The following RIT2 variants were observed in gnomAD, a reference collection of about 807,000 sequenced individuals.
The protein encoded by RIT2 is Ras like without CAAX 2.
A neutral mutation model predicts 23.7 loss-of-function variants in RIT2; 24 were observed. The ratio of observed to expected loss-of-function variants is 1.01; its 90% CI spans 0.73 to 1.43. The LOEUF (loss-of-function observed/expected upper bound fraction) is 1.43, where lower values mean the gene tolerates loss of function less well. Ranked by LOEUF, RIT2 falls within the 40% of genes most tolerant of loss-of-function variation. RIT2 has a pLI of 0.00. For synonymous variants in RIT2, 107 were observed against 91.1 expected (o/e 1.17, Z -0.99); for missense variants, 236 against 266.9 (o/e 0.88, Z 0.81).
intron 4 of RIT2, among the ~76,000 whole-genome samples, chr18:42,863,615 C>G (rs1907388271): frequency 6.6e-6 from 1 of 152,238 alleles, no homozygotes; most frequent in Admixed American, 6.5e-5. Flanking sequence ...AATTTGGAAG[C>G]CACACATGCT....
chr18:43,077,213 G>C (rs373678905), intron 1 of RIT2, among the ~76,000 whole-genome samples: 222 of 152,032 alleles, frequency 1.5e-3, no homozygotes, highest in Middle Eastern at 3.4e-3. Flanking sequence ...GGTATATAGT[G>C]CCAGGAAATA....
intron 4 of RIT2, among the ~76,000 whole-genome samples, chr18:42,823,448 G>T (rs1390894940): frequency 6.6e-6 from 1 of 152,126 alleles, no homozygotes; most frequent in Non-Finnish European, 1.5e-5. Flanking sequence ...ACTTGGTGCA[G>T]AGAACTTTGA....
chr18:42,763,220 T>C (rs1218198011), intron 4 of RIT2, among the ~76,000 whole-genome samples: 1 of 152,214 alleles, frequency 6.6e-6, no homozygotes, highest in Non-Finnish European at 1.5e-5. Context: ...CCCAGCACTT[T>C]GGGAGGCCAA....
At chr18:42,943,645 A>G (rs1909657234) in intron 3 of RIT2, among the ~76,000 whole-genome samples, 1 of 152,110 alleles carries the variant, frequency 6.6e-6, no homozygotes, top group Non-Finnish European at 1.5e-5. Flanking sequence ...GTCTTTAGTT[A>G]GAAGTTTGAT....
chr18:43,051,449 G>C (rs1444479874), intron 1 of RIT2, among the ~76,000 whole-genome samples: 1 of 151,364 alleles, frequency 6.6e-6, no homozygotes, highest in Non-Finnish European at 1.5e-5. Context: ...TTTGCTAAGG[G>C]AACATAGGAA....
chr18:43,086,150 A>G (rs1427991363), intron 1 of RIT2, among the ~76,000 whole-genome samples: 1 of 152,146 alleles, frequency 6.6e-6, no homozygotes, highest in African/African-American at 2.4e-5. Flanking sequence ...TTGGCTCAAC[A>G]TTCCTAACCC....
intron 4 of RIT2, among the ~76,000 whole-genome samples, chr18:42,913,788 A>G (rs1908834965): frequency 6.6e-6 from 1 of 151,998 alleles, no homozygotes; most frequent in South Asian, 2.1e-4. Context: ...CTATTCTACA[A>G]TATGGTGGCT....
chr18:43,075,386 G>A (rs1912990348), intron 1 of RIT2, among the ~76,000 whole-genome samples: 1 of 152,040 alleles, frequency 6.6e-6, no homozygotes, highest in South Asian at 2.1e-4. Flanking sequence ...AAGTTTGTAG[G>A]CATTTTCTTT....
In RIT2 at chr18:42,896,089, C is replaced by T. The variant is rs535619624; in HGVS notation, c.426+27483G>A. On this transcript the variant is annotated intron_variant, in intron 4 of 4. Transcript: ENST00000326695. ...GACCAGCCTGGTTAACATGGTGAAA[C>T]CCCAGCTCTACTAAAAATACAAAAA... Among the ~76,000 whole-genome samples the T allele has an allele frequency of 4.3e-4, 66 of 152,272 alleles. No individual in the cohort carries two copies. The South Asian group carries it at 6.6e-3, about 15-fold the overall frequency.
At chr18:43,090,685 C>CA (rs1254802877) in intron 1 of RIT2, among the ~76,000 whole-genome samples, 2 of 151,744 alleles carry the variant, frequency 1.3e-5, no homozygotes, top group Non-Finnish European at 1.5e-5. Context: ...ACTATGCAGC[C>CA]AAAAAAAGAA....
At chr18:42,971,562 C>G (rs1240782828) in intron 3 of RIT2, among the ~76,000 whole-genome samples, 1 of 152,042 alleles carries the variant, frequency 6.6e-6, no homozygotes, top group Non-Finnish European at 1.5e-5. Flanking sequence ...TATTGCTCAG[C>G]TATTGCCACA....
At chr18:43,064,516 T>C (rs1057079103) in intron 1 of RIT2, among the ~76,000 whole-genome samples, 11 of 152,132 alleles carry the variant, frequency 7.2e-5, no homozygotes, top group Admixed American at 6.5e-5. Context: ...TCAGACAGAA[T>C]AAAGTACTTA....
chr18:42,907,711 T>C (rs1364523952), intron 4 of RIT2, among the ~76,000 whole-genome samples: 2 of 151,942 alleles, frequency 1.3e-5, no homozygotes, highest in African/African-American at 4.8e-5. Flanking sequence ...CCAGGTATGG[T>C]GGCTCATGCC....
intron 1 of RIT2, among the ~76,000 whole-genome samples, chr18:43,074,488 C>T (rs1912967113): frequency 6.6e-6 from 1 of 152,146 alleles, no homozygotes; most frequent in African/African-American, 2.4e-5. Context: ...CCCAATGAGT[C>T]CTGAAATTTT....
At chr18:42,815,479 C>T (rs906284614) in intron 4 of RIT2, among the ~76,000 whole-genome samples, 2 of 152,096 alleles carry the variant, frequency 1.3e-5, no homozygotes, top group Admixed American at 6.5e-5. Context: ...TTATGTTAAA[C>T]GACCAAACTT....
At position 42,919,161 on chromosome 18, in the gene RIT2, T is replaced by C. The variant is rs867824498; in HGVS notation, c.426+4411A>G. Among the ~76,000 whole-genome samples, 3 of 152,146 alleles carry C rather than the reference T, an allele frequency of 2.0e-5. 1 individual carries two copies. Among genetic ancestry groups the C allele is most frequent in the African/African-American group, 7.2e-5 (3 of 41,442 alleles). On this transcript the variant is annotated intron_variant, in intron 4 of 4. Coordinates refer to ENST00000326695, the MANE Select transcript of RIT2 (RefSeq NM_002930.4). ...AAGATAAATAGATGCTTGATAGAAC[T>C]CTAAATAGATATTATGCTTTTTTAA...
At chr18:42,818,277 AG>A (rs770844792) in intron 4 of RIT2, among the ~76,000 whole-genome samples, 8 of 152,126 alleles carry the variant, frequency 5.3e-5, no homozygotes, top group Non-Finnish European at 1.2e-4. Context: ...AAATTAGGCA[AG>A]ATGGATCTGT....
At chr18:42,759,248 C>T (rs1025464120) in intron 4 of RIT2, among the ~76,000 whole-genome samples, 5 of 152,100 alleles carry the variant, frequency 3.3e-5, no homozygotes, top group South Asian at 2.1e-4. Context: ...TCTGTAGGCA[C>T]GCACTTACTG....
At chr18:42,927,890 C>G (rs1013811712) in intron 3 of RIT2, among the ~76,000 whole-genome samples, 1 of 151,756 alleles carries the variant, frequency 6.6e-6, no homozygotes, top group East Asian at 1.9e-4. Context: ...ATCTCATATT[C>G]CAGCTTCTTG....
Sources: allele counts gnomAD v4.1 joint callset (sites outside exome capture counted in the v4.1 genomes callset), GRCh38; gene constraint gnomAD v4.1.1; transcripts MANE v1.5; gene names NCBI Gene and HGNC (gene_info 2026-07-23, HGNC 2026-07-21).